The following EXT1 variants were observed in gnomAD, a reference collection of about 807,000 sequenced individuals.
EXT1 encodes the protein exostosin-1.
EXT1 carries 20 observed loss-of-function variants against 82.5 expected under a neutral mutation model. The observed-to-expected ratio is 0.24, with a 90% CI of 0.17 to 0.35. The LOEUF is 0.35. Among genes scored for constraint, EXT1 ranks in the 10% least tolerant of loss-of-function variants. The pLI, the probability that EXT1 is intolerant of heterozygous loss-of-function variation, is 1.00. For missense variants in EXT1, 757 were observed against 936.5 expected (o/e 0.81, Z 2.50); for synonymous variants, 348 against 350.8 (o/e 0.99, Z 0.09).
intron 1 of EXT1, among the ~76,000 whole-genome samples, chr8:118,063,906 G>T (rs562983143): frequency 4.0e-5 from 6 of 151,882 alleles, no homozygotes; most frequent in Non-Finnish European, 7.4e-5. Flanking sequence ...TCGCTCTGTG[G>T]CCCAGGCTGG....
intron 7 of EXT1, 121 bp downstream of exon 7, chr8:117,818,314 C>T: frequency 2.5e-6 from 2 of 816,232 alleles, no homozygotes; most frequent in Middle Eastern, 3.4e-4. Flanking sequence ...GAGAAAAGTA[C>T]AGTTTTAGAA....
chr8:117,869,296 A>G (rs1214499393), intron 1 of EXT1, among the ~76,000 whole-genome samples: 1 of 152,204 alleles, frequency 6.6e-6, no homozygotes, highest in Non-Finnish European at 1.5e-5. Flanking sequence ...GTGAAGCTCA[A>G]TCTTGCCCAT....
chr8:117,800,439 A>T (rs1378546504), intron 10 of EXT1, among the ~76,000 whole-genome samples: 1 of 152,196 alleles, frequency 6.6e-6, no homozygotes, highest in Non-Finnish European at 1.5e-5. Flanking sequence ...TATATAGTTG[A>T]AGAAGAACAA....
At chr8:117,858,865 GAAA>G (rs60146937) in intron 1 of EXT1, among the ~76,000 whole-genome samples, 1 of 64,706 alleles carries the variant, frequency 1.5e-5, no homozygotes, top group African/African-American at 4.6e-5. Context: ...AAGAAAGAAA[GAAA>G]GAAAGAAAGA....
At chr8:118,051,102 G>A (rs1816709585) in intron 1 of EXT1, among the ~76,000 whole-genome samples, 3 of 152,158 alleles carry the variant, frequency 2.0e-5, no homozygotes, top group African/African-American at 4.8e-5. Flanking sequence ...TTGGGAAGCC[G>A]AGGTGGGTGG....
At chr8:117,826,152 G>C (rs1812005255) in intron 4 of EXT1, among the ~76,000 whole-genome samples, 2 of 152,164 alleles carry the variant, frequency 1.3e-5, no homozygotes. Context: ...TGCAGCATTA[G>C]AGAATTTCAA....
intron 10 of EXT1, among the ~76,000 whole-genome samples, chr8:117,802,253 C>T (rs914625508): frequency 6.6e-6 from 1 of 152,096 alleles, no homozygotes; most frequent in African/African-American, 2.4e-5. Context: ...AATCCACCCC[C>T]TAAGAGGCCT....
chr8:117,875,745 G>A (rs1018093068), intron 1 of EXT1, among the ~76,000 whole-genome samples: 2 of 152,118 alleles, frequency 1.3e-5, no homozygotes, highest in African/African-American at 4.8e-5. Context: ...AAAAAGGACA[G>A]AGAAGAATAT....
chr8:117,935,321 CTTT>C (rs3049789), intron 1 of EXT1, among the ~76,000 whole-genome samples: 40 of 123,936 alleles, frequency 3.2e-4, no homozygotes, highest in African/African-American at 2.6e-4. Context: ...TTATCTATCA[CTTT>C]TTTTTTTTTT....
At chr8:117,920,068 AAG>A (rs1649587305) in intron 1 of EXT1, among the ~76,000 whole-genome samples, 1 of 152,236 alleles carries the variant, frequency 6.6e-6, no homozygotes, top group South Asian at 2.1e-4. Flanking sequence ...AGAGAGAACA[AAG>A]AGAGAGGCAA....
chr8:117,828,699 TAA>T (rs1000518451), intron 4 of EXT1, among the ~76,000 whole-genome samples: 1 of 152,110 alleles, frequency 6.6e-6, no homozygotes, highest in African/African-American at 2.4e-5. Flanking sequence ...TTTGGAGGGA[TAA>T]AAGTTTGCTT....
Position 117,830,470 on chromosome 8 carries a change from T to C in EXT1, c.1165-121A>G, listed in dbSNP as rs17503398. The C allele has an allele frequency of 2.1e-3, 2,226 of 1,085,580 alleles. 40 individuals carry two copies. In the African/African-American group the frequency reaches 0.029, roughly 14 times the overall value. The allele number at this position is 1,085,580 out of a possible 1,614,324, so 67.2% of individuals were successfully genotyped here. A position where few individuals can be genotyped will look rare whatever the true frequency, so the allele number is the denominator to read the frequency against. On this transcript the variant is annotated intron_variant, in intron 3 of 10. Coordinates refer to ENST00000378204, the MANE Select transcript of EXT1 (RefSeq NM_000127.3). ...TAGCATTTGGCTTCTAGCATATAGA[T>C]CTACTAAAAATCATCAATTCCTAAG...
intron 1 of EXT1, among the ~76,000 whole-genome samples, chr8:118,054,956 G>GTATA (rs34579101): frequency 0.015 from 2,196 of 149,656 alleles, 37 homozygotes; most frequent in African/African-American, 0.039. Context: ...GTATGTATAT[G>GTATA]TATATATATA....
intron 1 of EXT1, among the ~76,000 whole-genome samples, chr8:117,966,797 T>C (rs1024133242): frequency 9.8e-5 from 15 of 152,322 alleles, no homozygotes; most frequent in Admixed American, 9.1e-4. Context: ...ATTTTTATTT[T>C]CCCCCTTTTC....
intron 1 of EXT1, among the ~76,000 whole-genome samples, chr8:118,003,651 T>C (rs1335832307): frequency 6.6e-6 from 1 of 152,222 alleles, no homozygotes; most frequent in Non-Finnish European, 1.5e-5. Context: ...ACAATTTTAC[T>C]TGCCCCATAA....
rs1317882757 is a variant in EXT1, at chr8:117,812,979, T to C, written c.1633-18A>G. ...CTCATAACCTGGGAGGAAGTAGAAG[T>C]AGGCAGTGGGGAGGGAATGAGGGAA... On this transcript the variant is annotated intron_variant, in intron 7 of 10. Transcript: ENST00000378204. 2 of 1,606,506 alleles carry C rather than the reference T, an allele frequency of 1.2e-6. No homozygotes were observed. Among genetic ancestry groups the C allele is most frequent in the Admixed American group, 1.7e-5 (1 of 59,652 alleles).
chr8:118,066,965 G>A (rs943266276), intron 1 of EXT1, among the ~76,000 whole-genome samples: 1 of 152,146 alleles, frequency 6.6e-6, no homozygotes, highest in African/African-American at 2.4e-5. Context: ...CTTAACAAAC[G>A]TCTGCTCATA....
intron 1 of EXT1, among the ~76,000 whole-genome samples, chr8:117,927,873 A>T (rs1228340926): frequency 6.6e-6 from 1 of 152,206 alleles, no homozygotes; most frequent in Non-Finnish European, 1.5e-5. Flanking sequence ...TAGATCCTGT[A>T]AATTGGTAGT....
intron 1 of EXT1, among the ~76,000 whole-genome samples, chr8:117,989,193 C>T (rs1049245876): frequency 2.0e-5 from 3 of 152,012 alleles, no homozygotes; most frequent in African/African-American, 7.3e-5. Flanking sequence ...GAGGCAAAAC[C>T]TAGCAAGTCC....
Sources: allele counts gnomAD v4.1 joint callset (sites outside exome capture counted in the v4.1 genomes callset), GRCh38; gene constraint gnomAD v4.1.1; transcripts MANE v1.5; gene names NCBI Gene and HGNC (gene_info 2026-07-23, HGNC 2026-07-21).